NLGN1: variants seen among roughly 807,000 people sequenced by gnomAD.
NLGN1 encodes neuroligin-1.
A neutral mutation model predicts 65.5 loss-of-function variants in NLGN1; 12 were observed. That is an observed-to-expected ratio of 0.18 (90% CI 0.12 to 0.30). NLGN1 has a LOEUF of 0.30. NLGN1 is among the 10% of genes least tolerant of loss of function. The pLI is 1.00. For missense variants in NLGN1, 750 were observed against 1,007.1 expected, an observed-to-expected ratio of 0.74 and a Z score of 3.46; for synonymous variants, 350 against 359.5, an observed-to-expected ratio of 0.97 and a Z score of 0.30.
rs35612566 is a variant in NLGN1, at chr3:173,832,126, TAA to T, written c.646+24309_646+24310del. On this transcript the variant is annotated intron_variant, in intron 4 of 6. Transcript: ENST00000457714. The stretch of plus-strand genomic sequence containing the variant: ...TGCTCGCCTCCAAGCCCAGCTAAAT[TAA>T]AAAAAAAAAAAAAACTGTAGAGACA... Among the ~76,000 whole-genome samples the T allele has an allele frequency of 9.5e-3, 1,397 of 147,552 alleles. 31 individuals are homozygous for T. The highest frequency in any genetic ancestry group is 0.032 in the African/African-American group (1,283 of 40,282).
intron 2 of NLGN1, among the ~76,000 whole-genome samples, chr3:173,450,126 G>A (rs1721201674): frequency 6.6e-6 from 1 of 152,126 alleles, no homozygotes; most frequent in African/African-American, 2.4e-5. Context: ...TGGTTATTTT[G>A]CTCGTTAGTT....
At chr3:173,745,249 C>T (rs1051439876) in intron 3 of NLGN1, among the ~76,000 whole-genome samples, 4 of 151,918 alleles carry the variant, frequency 2.6e-5, no homozygotes, top group African/African-American at 7.2e-5. Context: ...AAAAGGGAAA[C>T]GGAGAGCAGA....
chr3:173,965,061 G>A (rs1411528001), intron 4 of NLGN1, among the ~76,000 whole-genome samples: 2 of 152,052 alleles, frequency 1.3e-5, no homozygotes, highest in East Asian at 3.9e-4. Context: ...TTTGGTTCCC[G>A]AGTTGCTTAT....
At chr3:174,262,065 G>A (rs929313893) in intron 4 of NLGN1, among the ~76,000 whole-genome samples, 11 of 130,868 alleles carry the variant, frequency 8.4e-5, no homozygotes, top group Non-Finnish European at 1.3e-4. Context: ...GCTTTTTGAT[G>A]TGCTGCTGGA....
intron 4 of NLGN1, among the ~76,000 whole-genome samples, chr3:174,019,403 T>C (rs1375626922): frequency 2.0e-5 from 3 of 152,096 alleles, no homozygotes; most frequent in African/African-American, 7.2e-5. Context: ...TGCCATTTGA[T>C]ACCTCCCACC....
intron 3 of NLGN1, among the ~76,000 whole-genome samples, chr3:173,728,687 A>G (rs1772259298): frequency 6.6e-6 from 1 of 152,136 alleles, no homozygotes; most frequent in Non-Finnish European, 1.5e-5. Flanking sequence ...ATGCATACGT[A>G]TAGGGAAGAA....
intron 2 of NLGN1, among the ~76,000 whole-genome samples, chr3:173,571,733 G>C (rs1744686880): frequency 6.6e-6 from 1 of 152,208 alleles, no homozygotes; most frequent in South Asian, 2.1e-4. Context: ...ACAAAGCTCA[G>C]GCGAAGTAGG....
chr3:174,200,396 G>A (rs1734214431), intron 4 of NLGN1, among the ~76,000 whole-genome samples: 1 of 152,134 alleles, frequency 6.6e-6, no homozygotes. Context: ...TTCACATTCT[G>A]ACTTAGAAAG....
chr3:173,898,031 C>CA (rs146685453), intron 4 of NLGN1, among the ~76,000 whole-genome samples: 5,791 of 150,872 alleles, frequency 0.038, 215 homozygotes, highest in African/African-American at 0.094. Flanking sequence ...GATTCAATAG[C>CA]AAAAAAAAAT....
In NLGN1 at chr3:174,279,676, T is replaced by C; in HGVS notation, c.1649+26T>C. ...GTATGTACCTAAGGAATGAAGTTTA[T>C]TTTTAATAAAAATGTTATTTTAACC... On this transcript the variant is annotated intron_variant, in intron 6 of 6. Coordinates refer to ENST00000457714, the Ensembl canonical transcript of NLGN1. The surrounding 1 kb of genome is among the most constrained non-coding windows in gnomAD (Gnocchi z 4.7). 2 of 1,364,074 alleles carry C rather than the reference T, an allele frequency of 1.5e-6. No homozygotes were observed. Among genetic ancestry groups the C allele is most frequent in the Non-Finnish European group, 2.0e-6 (2 of 989,098 alleles). 84.5% of individuals were successfully genotyped at this position (1,364,074 alleles called of 1,614,324 possible). A position where few individuals can be genotyped will look rare whatever the true frequency, so the allele number is the denominator to read the frequency against.
intron 3 of NLGN1, among the ~76,000 whole-genome samples, chr3:173,803,358 C>A (rs957181754): frequency 5.3e-5 from 8 of 151,836 alleles, no homozygotes; most frequent in Non-Finnish European, 8.8e-5. Context: ...GGCTCCACAC[C>A]CTGTAATCCC....
chr3:173,934,853 G>T (rs186250561), intron 4 of NLGN1, among the ~76,000 whole-genome samples: 3 of 151,926 alleles, frequency 2.0e-5, no homozygotes, highest in African/African-American at 7.2e-5. Context: ...TTAAAAACCC[G>T]ATAATATCTC....
At chr3:173,906,755 A>G (rs1410709073) in intron 4 of NLGN1, among the ~76,000 whole-genome samples, 1 of 151,888 alleles carries the variant, frequency 6.6e-6, no homozygotes, top group Non-Finnish European at 1.5e-5. Flanking sequence ...AGAGGCTGAC[A>G]CAGGAGGATC....
chr3:173,563,401 A>G (rs1318604051), intron 2 of NLGN1, among the ~76,000 whole-genome samples: 1 of 152,236 alleles, frequency 6.6e-6, no homozygotes, highest in Admixed American at 6.5e-5. Context: ...GAAAAAATCT[A>G]AAGGAAATAA....
chr3:173,444,003 C>G (rs1719704963), intron 2 of NLGN1, among the ~76,000 whole-genome samples: 1 of 152,110 alleles, frequency 6.6e-6, no homozygotes, highest in Non-Finnish European at 1.5e-5. Flanking sequence ...CATTTTTGCT[C>G]CAGTCTATTT....
At chr3:173,941,867 C>T (rs971862958) in intron 4 of NLGN1, among the ~76,000 whole-genome samples, 3 of 151,044 alleles carry the variant, frequency 2.0e-5, no homozygotes, top group African/African-American at 7.3e-5. Context: ...CATCACATGC[C>T]ATCATGAGCT....
At chr3:173,684,274 G>C (rs541648599) in intron 3 of NLGN1, among the ~76,000 whole-genome samples, 20 of 151,978 alleles carry the variant, frequency 1.3e-4, no homozygotes, top group Non-Finnish European at 2.4e-4. Context: ...GATTTTTAAA[G>C]ACTTCACTTC....
chr3:174,283,698 C>T (rs1429340296), exon 7 of NLGN1: 1 of 151,126 alleles, frequency 6.6e-6, no homozygotes, highest in Non-Finnish European at 1.5e-5. Flanking sequence ...TGTAGGTATT[C>T]CTCCATAATT....
intron 4 of NLGN1, among the ~76,000 whole-genome samples, chr3:174,232,646 G>T (rs1740942144): frequency 6.6e-6 from 1 of 152,084 alleles, no homozygotes; most frequent in Non-Finnish European, 1.5e-5. Flanking sequence ...GCCGGAAACA[G>T]GTAAATCAAG....
Sources: gnomAD v4.1 joint callset for allele counts (sites outside exome capture counted in the v4.1 genomes callset) on GRCh38, gnomAD v4.1.1 for gene constraint, Gnocchi (gnomAD v3.1) non-coding constraint, MANE v1.5 for transcripts, NCBI Gene and HGNC (gene_info 2026-07-23, HGNC 2026-07-21) for gene names.